The following MCTP2 variants were observed in gnomAD, a reference collection of about 807,000 sequenced individuals.
The protein encoded by MCTP2 is multiple C2 and transmembrane domain containing 2.
Under a neutral mutation model 111.6 loss-of-function variants are expected in MCTP2, and 132 were observed. That is an observed-to-expected ratio of 1.18 (90% CI 1.03 to 1.37). The LOEUF (loss-of-function observed/expected upper bound fraction) is 1.37, where lower values mean the gene tolerates loss of function less well. Ranked by LOEUF, MCTP2 falls within the 40% of genes most tolerant of loss-of-function variation. The pLI is 0.00. For synonymous variants in MCTP2, 395 were observed against 387.7 expected (o/e 1.02, Z -0.22); for missense variants, 1,183 against 1,067.9 (o/e 1.11, Z -1.50).
intron 1 of MCTP2, among the ~76,000 whole-genome samples, chr15:94,284,814 G>T (rs1309036487): frequency 6.8e-6 from 1 of 147,670 alleles, no homozygotes; most frequent in Non-Finnish European, 1.5e-5. Flanking sequence ...ATGATTATGG[G>T]CTGAGGTATA....
At chr15:94,355,923 A>C in intron 8 of MCTP2, 8 of 1,156,408 alleles carry the variant, frequency 6.9e-6, no homozygotes, top group Non-Finnish European at 6.4e-6. Context: ...GCATATACTC[A>C]TCCTTCACTA....
intron 10 of MCTP2, among the ~76,000 whole-genome samples, chr15:94,364,464 T>G (rs1460452737): frequency 6.6e-6 from 1 of 152,176 alleles, no homozygotes. Context: ...TAGTATTTTT[T>G]GCAAGAAGAA....
intron 8 of MCTP2, among the ~76,000 whole-genome samples, chr15:94,352,351 T>C (rs1038189885): frequency 2.0e-5 from 3 of 152,228 alleles, no homozygotes; most frequent in Non-Finnish European, 4.4e-5. Flanking sequence ...TCACTATTAA[T>C]AACTAGCCAG....
In MCTP2 at chr15:94,245,316, A is replaced by C. The variant is rs192162223; in HGVS notation, c.-66+13652A>C. ...TATATATTTATATACATATATGTAC[A>C]TATATTTACATACATATGTGTAGAT... On this transcript the variant is annotated intron_variant, in intron 1 of 22. Transcript: ENST00000357742. Among the ~76,000 whole-genome samples the C allele has an allele frequency of 1.6e-3, 225 of 141,978 alleles. 1 individual carries two copies. Among genetic ancestry groups the C allele is most frequent in the Admixed American group, 2.5e-3 (35 of 13,894 alleles). 93.1% of individuals were successfully genotyped at this position (141,978 alleles called of 152,430 possible). A position where few individuals can be genotyped will look rare whatever the true frequency, so the allele number is the denominator to read the frequency against.
intron 14 of MCTP2, among the ~76,000 whole-genome samples, chr15:94,390,098 A>G (rs61044575): frequency 0.025 from 849 of 34,354 alleles, 69 homozygotes; most frequent in East Asian, 0.23. Context: ...ATGTATATAT[A>G]TATATATATA....
At chr15:94,427,784 C>T (rs1216908246) in intron 17 of MCTP2, among the ~76,000 whole-genome samples, 1 of 152,088 alleles carries the variant, frequency 6.6e-6, no homozygotes, top group Non-Finnish European at 1.5e-5. Context: ...TCCTCAGGTC[C>T]TAGAGGCCTT....
chr15:94,411,661 T>A (rs907956632), intron 17 of MCTP2, among the ~76,000 whole-genome samples: 4 of 152,192 alleles, frequency 2.6e-5, no homozygotes, highest in African/African-American at 9.7e-5. Context: ...TCCCTTTATC[T>A]AGGGGTTGTG....
chr15:94,232,596 G>C (rs2070261169), intron 1 of MCTP2, among the ~76,000 whole-genome samples: 1 of 152,120 alleles, frequency 6.6e-6, no homozygotes, highest in Non-Finnish European at 1.5e-5. Flanking sequence ...CCTGTTAACG[G>C]GCAGACCTCT....
At chr15:94,291,898 T>C (rs1427095083) in intron 1 of MCTP2, among the ~76,000 whole-genome samples, 1 of 152,220 alleles carries the variant, frequency 6.6e-6, no homozygotes, top group Non-Finnish European at 1.5e-5. Flanking sequence ...AACTCTACCA[T>C]TGGGCAAAAG....
At chr15:94,401,831 G>T (rs545158205) in intron 16 of MCTP2, 69 bp from the exon 17 acceptor site, 8 of 1,202,954 alleles carry the variant, frequency 6.7e-6, no homozygotes, top group Middle Eastern at 4.2e-4. Flanking sequence ...AATGATCAGG[G>T]TACCTGATCT....
intron 12 of MCTP2, among the ~76,000 whole-genome samples, chr15:94,375,613 G>C (rs1476502071): frequency 2.0e-5 from 3 of 152,120 alleles, no homozygotes; most frequent in Admixed American, 6.5e-5. Context: ...ATCATGAAAA[G>C]TTTCCAAAAT....
chr15:94,408,984 T>C (rs2082028369), intron 17 of MCTP2, among the ~76,000 whole-genome samples: 1 of 152,206 alleles, frequency 6.6e-6, no homozygotes, highest in Admixed American at 6.5e-5. Flanking sequence ...ATTTTCTGCC[T>C]TCTCTGAATT....
chr15:94,445,058 G>A (rs1056426849), intron 19 of MCTP2, among the ~76,000 whole-genome samples: 4 of 152,200 alleles, frequency 2.6e-5, no homozygotes, highest in East Asian at 1.9e-4. Context: ...AGAGCTACCT[G>A]AAGGTCTGGA....
intron 20 of MCTP2, among the ~76,000 whole-genome samples, chr15:94,461,142 A>G (rs182307610): frequency 1.4e-3 from 214 of 152,304 alleles, no homozygotes; most frequent in African/African-American, 4.7e-3. Context: ...GTATGTATAT[A>G]TGAAGCCAAA....
intron 14 of MCTP2, among the ~76,000 whole-genome samples, chr15:94,394,190 C>T (rs1596568154): frequency 6.6e-6 from 1 of 152,068 alleles, no homozygotes; most frequent in Non-Finnish European, 1.5e-5. Context: ...CCCTGACTCC[C>T]CCTTTAAACT....
chr15:94,472,301 C>A (rs1025933655), intron 21 of MCTP2, among the ~76,000 whole-genome samples: 1 of 152,062 alleles, frequency 6.6e-6, no homozygotes, highest in Non-Finnish European at 1.5e-5. Context: ...CGCTTGAATC[C>A]GGGAGGCGGA....
At chr15:94,389,271 G>C (rs575052331) in intron 14 of MCTP2, among the ~76,000 whole-genome samples, 15 of 152,120 alleles carry the variant, frequency 9.9e-5, no homozygotes, top group African/African-American at 3.6e-4. Flanking sequence ...GTAGGGGAAA[G>C]GCCGTGTCTG....
chr15:94,326,262 G>C (rs1264119931), intron 4 of MCTP2, among the ~76,000 whole-genome samples: 1 of 152,030 alleles, frequency 6.6e-6, no homozygotes, highest in Non-Finnish European at 1.5e-5. Context: ...AAAAGCTTAG[G>C]GCACCATACT....
chr15:94,314,233 G>C (rs765872869), intron 2 of MCTP2, 49 bp from the exon 3 acceptor site: 30 of 1,286,788 alleles, frequency 2.3e-5, no homozygotes, highest in Non-Finnish European at 3.4e-5. Flanking sequence ...TCCTGAGTTG[G>C]TATTAATTTG....
Sources: gnomAD v4.1 joint callset for allele counts (sites outside exome capture counted in the v4.1 genomes callset) on GRCh38, gnomAD v4.1.1 for gene constraint, MANE v1.5 for transcripts, NCBI Gene and HGNC (gene_info 2026-07-23, HGNC 2026-07-21) for gene names.